SPRED2: variants seen among roughly 807,000 people sequenced by gnomAD.
The protein encoded by SPRED2 is sprouty-related, EVH1 domain-containing protein 2.
In SPRED2, 47 loss-of-function variants were observed where a neutral mutation model predicts 43.0. The ratio of observed to expected loss-of-function variants is 1.09; its 90% CI spans 0.87 to 1.40. SPRED2 has a LOEUF of 1.40. Among genes scored for constraint, SPRED2 ranks in the 40% most tolerant of loss-of-function variants. The pLI, the probability that SPRED2 is intolerant of heterozygous loss-of-function variation, is 0.00. For synonymous variants in SPRED2, 225 were observed against 225.7 expected, an observed-to-expected ratio of 1.00 and a Z score of 0.03; for missense variants, 561 against 586.4, an observed-to-expected ratio of 0.96 and a Z score of 0.45.
chr2:65,345,715 T>A (rs1412463451), intron 1 of SPRED2, among the ~76,000 whole-genome samples: 1 of 152,222 alleles, frequency 6.6e-6, no homozygotes, highest in Non-Finnish European at 1.5e-5. Context: ...AAATCACGTA[T>A]CTAGGTAGGA....
intron 4 of SPRED2, among the ~76,000 whole-genome samples, chr2:65,319,550 A>G (rs1048577721): frequency 6.6e-6 from 1 of 152,134 alleles, no homozygotes; most frequent in Non-Finnish European, 1.5e-5. Context: ...AAGCCAGAAT[A>G]CACTGGGTTT....
intron 1 of SPRED2, among the ~76,000 whole-genome samples, chr2:65,416,623 A>G (rs1676281173): frequency 6.6e-6 from 1 of 152,212 alleles, no homozygotes. Flanking sequence ...TTTAAAAAAT[A>G]CAAGTTTCCT....
At chr2:65,335,113 T>G (rs1249315304) in intron 2 of SPRED2, among the ~76,000 whole-genome samples, 1 of 152,226 alleles carries the variant, frequency 6.6e-6, no homozygotes, top group Non-Finnish European at 1.5e-5. Context: ...GGTTTTTATA[T>G]TGATGGTCAT....
downstream of SPRED2, among the ~76,000 whole-genome samples, chr2:65,308,803 G>A (rs1238652463): frequency 1.3e-5 from 2 of 152,154 alleles, no homozygotes; most frequent in Non-Finnish European, 2.9e-5. Flanking sequence ...GGTGTAGTCG[G>A]TCCTCTGTAT....
At chr2:65,326,263 G>A (rs547213984) in intron 4 of SPRED2, among the ~76,000 whole-genome samples, 3 of 152,004 alleles carry the variant, frequency 2.0e-5, no homozygotes, top group Non-Finnish European at 2.9e-5. Flanking sequence ...ACCTCAGCCT[G>A]AGAGTGTCTC....
chr2:65,340,151 T>G (rs1242889648), intron 2 of SPRED2, among the ~76,000 whole-genome samples: 2 of 152,206 alleles, frequency 1.3e-5, no homozygotes, highest in African/African-American at 4.8e-5. Context: ...AAGTTTTAAA[T>G]TTTTTCCATT....
chr2:65,346,591 G>C (rs963217050), intron 1 of SPRED2, among the ~76,000 whole-genome samples: 18 of 151,924 alleles, frequency 1.2e-4, no homozygotes, highest in African/African-American at 4.1e-4. Context: ...GATACTCTAG[G>C]TACCTCATAT....
At chr2:65,421,958 G>A (rs1412928320) in intron 1 of SPRED2, among the ~76,000 whole-genome samples, 3 of 152,206 alleles carry the variant, frequency 2.0e-5, no homozygotes, top group Non-Finnish European at 2.9e-5. Context: ...CCTGCTGTGT[G>A]TGTGAGACCT....
intron 4 of SPRED2, among the ~76,000 whole-genome samples, chr2:65,325,496 T>G (rs1673583851): frequency 6.6e-6 from 1 of 152,202 alleles, no homozygotes; most frequent in African/African-American, 2.4e-5. Context: ...GGGCCTCAGT[T>G]TTCTCATGTG....
chr2:65,355,275 A>G (rs1254204795), intron 1 of SPRED2, among the ~76,000 whole-genome samples: 1 of 152,162 alleles, frequency 6.6e-6, no homozygotes, highest in East Asian at 1.9e-4. Context: ...CACCTTAAAG[A>G]AGGCTCTACA....
intron 1 of SPRED2, among the ~76,000 whole-genome samples, chr2:65,431,471 G>A (rs1451896048): frequency 6.6e-6 from 1 of 152,170 alleles, no homozygotes; most frequent in African/African-American, 2.4e-5. Context: ...GAATGAAAAT[G>A]TGGTATGCAA....
intron 4 of SPRED2, among the ~76,000 whole-genome samples, chr2:65,318,352 G>A (rs1030045046): frequency 3.9e-5 from 6 of 151,926 alleles, no homozygotes; most frequent in Non-Finnish European, 5.9e-5. Flanking sequence ...GAGACACAAC[G>A]GAGCAGGCCA....
intron 2 of SPRED2, among the ~76,000 whole-genome samples, chr2:65,337,498 C>T (rs1454207062): frequency 6.6e-6 from 1 of 152,178 alleles, no homozygotes; most frequent in Non-Finnish European, 1.5e-5. Flanking sequence ...CATCTCTCCC[C>T]TCCACCGTCA....
At chr2:65,349,902 C>T (rs138576402) in intron 1 of SPRED2, among the ~76,000 whole-genome samples, 10 of 152,290 alleles carry the variant, frequency 6.6e-5, no homozygotes, top group Non-Finnish European at 8.8e-5. Context: ...TTGTCTCCTC[C>T]GGCAACAGCC....
chr2:65,379,374 G>A (rs1329635870), intron 1 of SPRED2, among the ~76,000 whole-genome samples: 1 of 152,096 alleles, frequency 6.6e-6, no homozygotes, highest in Non-Finnish European at 1.5e-5. Flanking sequence ...CCTAACAGCT[G>A]GTCTTATTCA....
At chr2:65,401,937 G>GCGCGCGCGCGCGCACACA (rs776512353) in intron 1 of SPRED2, among the ~76,000 whole-genome samples, 21 of 114,758 alleles carry the variant, frequency 1.8e-4, no homozygotes, top group Middle Eastern at 4.2e-3. Flanking sequence ...GCGCGCGCGC[G>GCGCGCGCGCGCGCACACA]CACACACACA....
chr2:65,326,848 A>AT (rs1024453638), intron 4 of SPRED2, among the ~76,000 whole-genome samples: 80 of 150,246 alleles, frequency 5.3e-4, no homozygotes, highest in Non-Finnish European at 6.4e-4. Context: ...TAAAAAAACA[A>AT]TTTTTTTTTT....
At chr2:65,395,505 T>A (rs1675739461) in intron 1 of SPRED2, among the ~76,000 whole-genome samples, 1 of 152,186 alleles carries the variant, frequency 6.6e-6, no homozygotes, top group South Asian at 2.1e-4. Flanking sequence ...CATCCATTCC[T>A]TTCTACCACA....
At chr2:65,308,625 C>T (rs186174850), downstream of SPRED2, 96 of 913,482 alleles carry the variant, frequency 1.1e-4, no homozygotes, top group East Asian at 9.2e-3. Flanking sequence ...GGGGCACCTG[C>T]TGCGTATCCC....
Sources: allele counts gnomAD v4.1 joint callset (sites outside exome capture counted in the v4.1 genomes callset), GRCh38; gene constraint gnomAD v4.1.1; transcripts MANE v1.5; gene names NCBI Gene and HGNC (gene_info 2026-07-23, HGNC 2026-07-21).